The following PTH2R variants were observed in gnomAD, a reference collection of about 807,000 sequenced individuals.
PTH2R encodes the protein parathyroid hormone 2 receptor, also known as PTH2 receptor.
PTH2R carries 59 observed loss-of-function variants against 60.3 expected under a neutral mutation model. The observed-to-expected ratio is 0.98, with a 90% CI of 0.79 to 1.22. PTH2R has a LOEUF of 1.22. PTH2R is among the 50% of genes most tolerant of loss of function. PTH2R has a pLI of 0.00. For synonymous variants in PTH2R, 256 were observed against 243.8 expected, an observed-to-expected ratio of 1.05 and a Z score of -0.47; for missense variants, 749 against 682.6, an observed-to-expected ratio of 1.10 and a Z score of -1.08.
rs1356118767 is a variant in PTH2R at position 208,465,419 on chromosome 2, T to C, written c.981+5458T>C. 2.5e-5 allele frequency among the ~76,000 whole-genome samples: 3 copies of C among 118,502 alleles called. No homozygotes were observed. In the South Asian group the frequency reaches 9.0e-4, roughly 35 times the overall value. The allele number at this position is 118,502 out of a possible 152,430, so 77.7% of individuals were successfully genotyped here. A position where few individuals can be genotyped will look rare whatever the true frequency, so the allele number is the denominator to read the frequency against. On this transcript the variant is annotated intron_variant, in intron 9 of 12. Coordinates refer to ENST00000272847, the MANE Select transcript of PTH2R (RefSeq NM_005048.4). The stretch of plus-strand genomic sequence containing the variant: ...TTTTTTTTTTTTTTTTTTTTTTTTT[T>C]TGTGATGGAGTCTCACTCTGTCACC...
intron 8 of PTH2R, among the ~76,000 whole-genome samples, chr2:208,456,605 T>C (rs547122753): frequency 1.3e-5 from 2 of 152,302 alleles, no homozygotes; most frequent in South Asian, 4.1e-4. Flanking sequence ...AAGGTAGTGC[T>C]CAGCCAATTC....
chr2:208,435,187 CT>C (rs1291750701), intron 2 of PTH2R, among the ~76,000 whole-genome samples: 1 of 152,144 alleles, frequency 6.6e-6, no homozygotes, highest in Non-Finnish European at 1.5e-5. Flanking sequence ...AAGCAAACAA[CT>C]TGACAAAATG....
At position 208,493,282 on chromosome 2, in the gene PTH2R, A is replaced by G. The variant is rs1703448624; in HGVS notation, c.1276A>G (p.Lys426Glu). 2.0e-6 allele frequency: 3 copies of G among 1,513,730 alleles called. No individual in the cohort carries two copies. The highest frequency in any genetic ancestry group is 1.3e-5 in the South Asian group (1 of 75,092). 93.8% of individuals were successfully genotyped at this position (1,513,730 alleles called of 1,614,324 possible). Residue 426 changes from lysine (K) to glutamate (E), a missense_variant, in exon 13 of 13, where the codon AAG (lysine) becomes GAG (glutamate). Transcript: ENST00000272847. ...CNGEVQAEVK[K>E]MWSRWNLSVD... ...GGCTTAGGTTCAGGCAGAGGTGAAGAAGATGTGGAGTCGGTGGAACCTCTC... is the reference window on the plus strand; with the variant it reads ...GGCTTAGGTTCAGGCAGAGGTGAAGGAGATGTGGAGTCGGTGGAACCTCTC...
At chr2:208,403,112 A>G (rs1485096726), upstream of PTH2R, among the ~76,000 whole-genome samples, 1 of 152,200 alleles carries the variant, frequency 6.6e-6, no homozygotes, top group Non-Finnish European at 1.5e-5. Context: ...CAGAATGTAG[A>G]TTTATGAAAG....
chr2:208,481,674 A>G (rs1015784614), intron 10 of PTH2R, among the ~76,000 whole-genome samples: 6 of 152,232 alleles, frequency 3.9e-5, no homozygotes, highest in African/African-American at 1.4e-4. Context: ...TAAATTCTAA[A>G]TATATTTTAA....
At chr2:208,407,171 T>C (rs1701432747) in intron 1 of PTH2R, 53 bp downstream of exon 1, 1 of 1,385,234 alleles carries the variant, frequency 7.2e-7, no homozygotes, top group Non-Finnish European at 9.5e-7. Context: ...CGGCGGGGAC[T>C]CAGCTTTAGC....
At position 208,407,114 on chromosome 2, in the gene PTH2R, C is replaced by A. The variant is rs1271308956; in HGVS notation, c.71C>A (p.Ala24Asp). The part of the protein sequence containing the change: ...LMLGSCLLAR[A>D]QLDSDGTITI... Reference sequence around the variant, plus strand: ...CTCGGCAGCTGCCTCCTGGCCAGAGCCCAGGTAAGAGCCAGTGCTCCGCGA... The same window carrying A: ...CTCGGCAGCTGCCTCCTGGCCAGAGACCAGGTAAGAGCCAGTGCTCCGCGA... Residue 24 changes from alanine (A) to aspartate (D), a missense_variant, in exon 1 of 13, where the codon GCC (alanine) becomes GAC (aspartate). Coordinates refer to ENST00000272847, the MANE Select transcript of PTH2R (RefSeq NM_005048.4). 16 of 1,400,502 alleles carry A rather than the reference C, an allele frequency of 1.1e-5. No individual in the cohort carries two copies. Among genetic ancestry groups the A allele is most frequent in the Non-Finnish European group, 1.5e-5 (16 of 1,070,552 alleles). 86.8% of individuals were successfully genotyped at this position (1,400,502 alleles called of 1,614,324 possible). A position where few individuals can be genotyped will look rare whatever the true frequency, so the allele number is the denominator to read the frequency against.
At chr2:208,376,574 A>T (rs1700795310) in intron 1 of PTH2R, among the ~76,000 whole-genome samples, 1 of 152,148 alleles carries the variant, frequency 6.6e-6, no homozygotes, top group African/African-American at 2.4e-5. Context: ...TTTTAAGAGT[A>T]TCCACAAGGT....
intron 11 of PTH2R, among the ~76,000 whole-genome samples, 178 bp from the exon 12 acceptor site, chr2:208,490,461 G>C (rs1055622125): frequency 6.6e-6 from 1 of 152,138 alleles, no homozygotes; most frequent in African/African-American, 2.4e-5. Context: ...AAGGAAAGAC[G>C]TCAAACAAAT....
intron 1 of PTH2R, among the ~76,000 whole-genome samples, chr2:208,400,848 GTATT>G (rs1168849515): frequency 6.6e-6 from 1 of 152,140 alleles, no homozygotes; most frequent in Non-Finnish European, 1.5e-5. Flanking sequence ...GTCTCAGTAA[GTATT>G]TAACCAGATG....
intron 2 of PTH2R, 61 bp downstream of exon 2, chr2:208,428,364 A>T (rs1701900650): frequency 8.4e-7 from 1 of 1,192,302 alleles, no homozygotes; most frequent in Non-Finnish European, 1.2e-6. Context: ...TAAAGATTGC[A>T]CATTTCCCTC....
intron 1 of PTH2R, among the ~76,000 whole-genome samples, chr2:208,413,371 T>G (rs1701579672): frequency 6.6e-6 from 1 of 152,048 alleles, no homozygotes; most frequent in Non-Finnish European, 1.5e-5. Context: ...TTACAGAAAC[T>G]CCAAGAGCCA....
intron 7 of PTH2R, among the ~76,000 whole-genome samples, chr2:208,447,498 G>A (rs1157227459): frequency 2.0e-5 from 3 of 151,734 alleles, no homozygotes; most frequent in Middle Eastern, 3.4e-3. Context: ...TGAAGCAGGA[G>A]AATGGCGTGA....
At chr2:208,420,357 T>C (rs1478532626) in intron 1 of PTH2R, among the ~76,000 whole-genome samples, 4 of 152,188 alleles carry the variant, frequency 2.6e-5, no homozygotes, top group Admixed American at 2.6e-4. Flanking sequence ...CAATTTTGCC[T>C]ATTTCTTCTC....
intron 1 of PTH2R, among the ~76,000 whole-genome samples, chr2:208,421,815 T>TA (rs1701761997): frequency 6.6e-6 from 1 of 152,202 alleles, no homozygotes; most frequent in Non-Finnish European, 1.5e-5. Flanking sequence ...ACTTGGCCCA[T>TA]TCACACTGGA....
At chr2:208,428,800 G>C (rs1167853644) in intron 2 of PTH2R, among the ~76,000 whole-genome samples, 1 of 152,166 alleles carries the variant, frequency 6.6e-6, no homozygotes, top group Non-Finnish European at 1.5e-5. Flanking sequence ...AATGTGTTGG[G>C]ACAGCCGGGC....
At chr2:208,476,768 T>A (rs939026246) in intron 9 of PTH2R, among the ~76,000 whole-genome samples, 1 of 151,772 alleles carries the variant, frequency 6.6e-6, no homozygotes, top group Non-Finnish European at 1.5e-5. Flanking sequence ...AGTAAGGGAG[T>A]GAGGGAGAAC....
chr2:208,403,521 A>T (rs905367402), upstream of PTH2R, among the ~76,000 whole-genome samples: 7 of 152,218 alleles, frequency 4.6e-5, no homozygotes, highest in Non-Finnish European at 1.0e-4. Flanking sequence ...CTAACAATTA[A>T]TGAAATCACA....
At chr2:208,374,592 TCC>T (rs1308466720) in intron 1 of PTH2R, among the ~76,000 whole-genome samples, 1 of 152,038 alleles carries the variant, frequency 6.6e-6, no homozygotes, top group Non-Finnish European at 1.5e-5. Flanking sequence ...AACCTCCACC[TCC>T]CAGGTTCAAG....
Sources: allele counts gnomAD v4.1 joint callset (sites outside exome capture counted in the v4.1 genomes callset), GRCh38; gene constraint gnomAD v4.1.1; transcripts MANE v1.5; gene names NCBI Gene and HGNC (gene_info 2026-07-23, HGNC 2026-07-21).